NEURL1B: variants seen among roughly 807,000 people sequenced by gnomAD.
NEURL1B encodes neuralized E3 ubiquitin protein ligase 1B.
A neutral mutation model predicts 37.4 loss-of-function variants in NEURL1B; 13 were observed. The observed-to-expected ratio is 0.35, with a 90% CI of 0.23 to 0.55. The LOEUF is 0.55. NEURL1B is among the 20% of genes least tolerant of loss of function. The probability of loss-of-function intolerance (pLI) is 0.89; values close to 1 mark genes in which losing one functional copy is unlikely to be tolerated. For missense variants in NEURL1B, 790 were observed against 879.2 expected (o/e 0.90, Z 1.28); for synonymous variants, 432 against 426.6 (o/e 1.01, Z -0.16).
chr5:172,660,906 C>G (rs1462584811), intron 1 of NEURL1B, among the ~76,000 whole-genome samples: 1 of 152,222 alleles, frequency 6.6e-6, no homozygotes, highest in Non-Finnish European at 1.5e-5. Flanking sequence ...GCCGAGATTA[C>G]AGGCGTGAGC....
rs944213962 is a variant in NEURL1B at position 172,676,965 on chromosome 5, G to A, written c.578-6454G>A. ...AAATGCAGGGTTCGGAGGTCTGAGC[G>A]CACCATTCCAGGCTGCAGGAGAGGA... On this transcript the variant is annotated intron_variant, in intron 2 of 4. Transcript: ENST00000369800. This position sits in a 1 kb window ranked among gnomAD's most constrained non-coding sequence, Gnocchi z 4.5. Among the ~76,000 whole-genome samples, 2 of 152,116 alleles carry A rather than the reference G, an allele frequency of 1.3e-5. No homozygotes were observed. The highest frequency in any genetic ancestry group is 2.9e-5 in the Non-Finnish European group (2 of 68,032).
chr5:172,663,996 G>A (rs142845747), intron 1 of NEURL1B, among the ~76,000 whole-genome samples: 238 of 151,764 alleles, frequency 1.6e-3, no homozygotes, highest in African/African-American at 4.5e-3. Flanking sequence ...TTTGGCCCTC[G>A]ATGGAATATT....
intron 1 of NEURL1B, among the ~76,000 whole-genome samples, chr5:172,655,349 T>C (rs577553420): frequency 2.6e-5 from 4 of 152,230 alleles, no homozygotes; most frequent in South Asian, 2.1e-4. Context: ...CCTGTTTCCC[T>C]CCTTTCCCCC....
chr5:172,662,029 T>C (rs1462881469), intron 1 of NEURL1B: 2 of 152,212 alleles, frequency 1.3e-5, no homozygotes, highest in Non-Finnish European at 2.9e-5. Flanking sequence ...TCAGAACGTA[T>C]TTTCCCAGCT....
At position 172,641,428 on chromosome 5, in the gene NEURL1B, A is replaced by G; in HGVS notation, c.22A>G (p.Thr8Ala). The G allele has an allele frequency of 7.5e-7, 1 of 1,336,472 alleles. No individual in the cohort carries two copies. Among genetic ancestry groups the G allele is most frequent in the Non-Finnish European group, 9.6e-7 (1 of 1,046,636 alleles). 82.8% of individuals were successfully genotyped at this position (1,336,472 alleles called of 1,614,324 possible). MGNTVHR[T>A]LPDPSPPARL... is the part of the protein sequence containing the mutation. ...AGCGATGGGCAACACGGTGCACCGG[A>G]CCCTGCCAGGTACGCCGGGGAGCCC... is the stretch of plus-strand genomic sequence containing the variant. Residue 8 changes from threonine (T) to alanine (A), a missense_variant, in exon 1 of 5, where the codon ACC (threonine) becomes GCC (alanine). Physicochemically the swap from Thr to Ala is moderately conservative, Grantham distance 58. Transcript: ENST00000369800. The surrounding 1 kb of genome is among the most constrained non-coding windows in gnomAD (Gnocchi z 6.4).
At chr5:172,656,839 A>T (rs990955184) in intron 1 of NEURL1B, 1 of 611,992 alleles carries the variant, frequency 1.6e-6, no homozygotes, top group Non-Finnish European at 2.9e-6. Context: ...CCTCATCTTT[A>T]GGATGGGGAT....
rs1758629850 is a variant in NEURL1B at position 172,690,623 on chromosome 5, G to A, written c.*3698G>A. 2 of 152,234 alleles carry A rather than the reference G, an allele frequency of 1.3e-5. No individual in the cohort carries two copies. Among genetic ancestry groups the A allele is most frequent in the South Asian group, 4.1e-4 (2 of 4,832 alleles). 9.4% of individuals were successfully genotyped at this position (152,234 alleles called of 1,614,324 possible). A position where few individuals can be genotyped will look rare whatever the true frequency, so the allele number is the denominator to read the frequency against. On this transcript the variant is annotated 3_prime_UTR_variant, in exon 5 of 5. Coordinates refer to ENST00000369800, the MANE Select transcript of NEURL1B (RefSeq NM_001142651.3). ...ACTAAGAGGGAAATGAGATATTTGG[G>A]GCAGAATCCACTGGGCTCTCTTGGC...
At chr5:172,654,264 G>A (rs1757721943) in intron 1 of NEURL1B, among the ~76,000 whole-genome samples, 1 of 152,208 alleles carries the variant, frequency 6.6e-6, no homozygotes, top group Non-Finnish European at 1.5e-5. Context: ...AGGCTTGGCT[G>A]AGTGGAAACA....
chr5:172,675,629 C>A lies in NEURL1B; in HGVS notation c.577+5299C>A, dbSNP rs571301791. On this transcript the variant is annotated intron_variant, in intron 2 of 4. Transcript: ENST00000369800. The surrounding 1 kb of genome is among the most constrained non-coding windows in gnomAD (Gnocchi z 4.7). The stretch of plus-strand genomic sequence containing the variant: ...TGCCAGGCCATGCGCTCCCTTCCCT[C>A]CCTTCTCCCTGTGGCTCCAGGAAGC... 1.3e-4 allele frequency among the ~76,000 whole-genome samples: 19 copies of A among 151,966 alleles called. No homozygotes were observed. The East Asian group carries it at 3.5e-3, about 28-fold the overall frequency.
In NEURL1B at chr5:172,651,979, C is replaced by T. The variant is rs969752591; in HGVS notation, c.31+10542C>T. 1.2e-4 allele frequency among the ~76,000 whole-genome samples: 19 copies of T among 152,316 alleles called. No homozygotes were observed. In the East Asian group the frequency reaches 1.7e-3, roughly 14 times the overall value. On this transcript the variant is annotated intron_variant, in intron 1 of 4. Transcript: ENST00000369800. ...AAACACAAGTGCCACTCCAGTTATT[C>T]GGCGGAGTGTCCAGTAAAGGTCCAC...
In NEURL1B at chr5:172,670,451, G is replaced by A. The variant is rs1347506297; in HGVS notation, c.577+121G>A. 6.5e-6 allele frequency: 5 copies of A among 772,520 alleles called. No homozygotes were observed. In the East Asian group the frequency reaches 1.7e-4, roughly 26 times the overall value. The allele number at this position is 772,520 out of a possible 1,614,324, so 47.9% of individuals were successfully genotyped here. A position where few individuals can be genotyped will look rare whatever the true frequency, so the allele number is the denominator to read the frequency against. On this transcript the variant is annotated intron_variant, in intron 2 of 4. Coordinates refer to ENST00000369800, the MANE Select transcript of NEURL1B (RefSeq NM_001142651.3). ...CTCCTTTTGCCAGGCGTGGCACTAA[G>A]CGCTTTACGCCTTTTAACTAATTTA... is the stretch of plus-strand genomic sequence containing the variant.
At position 172,661,353 on chromosome 5, in the gene NEURL1B, A is replaced by T. The variant is rs1325041005; in HGVS notation, c.32-8432A>T. On this transcript the variant is annotated intron_variant, in intron 1 of 4. Coordinates refer to ENST00000369800, the MANE Select transcript of NEURL1B (RefSeq NM_001142651.3). The surrounding 1 kb of genome is among the most constrained non-coding windows in gnomAD (Gnocchi z 4.0). ...AGTCTGGGTATGTTTCTGGCGGGGA[A>T]GCCTCTATAGATTTTATTGCTTCTA... Among the ~76,000 whole-genome samples, 3 of 152,132 alleles carry T rather than the reference A, an allele frequency of 2.0e-5. No individual in the cohort carries two copies.
chr5:172,683,302 C>G lies in NEURL1B; in HGVS notation c.578-117C>G. 1.7e-6 allele frequency: 2 copies of G among 1,173,558 alleles called. No individual in the cohort carries two copies. The highest frequency in any genetic ancestry group is 2.1e-6 in the Non-Finnish European group (2 of 930,654). 72.7% of individuals were successfully genotyped at this position (1,173,558 alleles called of 1,614,324 possible). A position where few individuals can be genotyped will look rare whatever the true frequency, so the allele number is the denominator to read the frequency against. On this transcript the variant is annotated intron_variant, in intron 2 of 4. Coordinates refer to ENST00000369800, the MANE Select transcript of NEURL1B (RefSeq NM_001142651.3). This position sits in a 1 kb window ranked among gnomAD's most constrained non-coding sequence, Gnocchi z 5.6. ...GTTCGAAGCCGGGGTGGGGTGGGGG[C>G]TGCTCGAGGCCCGGGTCGGTCGTGG...
chr5:172,680,219 ACTCT>A (rs1758321795), intron 2 of NEURL1B, among the ~76,000 whole-genome samples: 2 of 151,760 alleles, frequency 1.3e-5, no homozygotes, highest in Admixed American at 1.3e-4. Flanking sequence ...TACCACTATC[ACTCT>A]ATCACTCTAT....
Position 172,641,338 on chromosome 5 carries a change from T to A in NEURL1B, c.-69T>A. On this transcript the variant is annotated 5_prime_UTR_variant, in exon 1 of 5. Transcript: ENST00000369800. The surrounding 1 kb of genome is among the most constrained non-coding windows in gnomAD (Gnocchi z 6.4). Reference sequence around the variant, plus strand: ...GAGCGTCGACCCCGGTCCTGGTCCCTGGCCCGCCGCGTAATTAGCCTCCGC... The same window carrying A: ...GAGCGTCGACCCCGGTCCTGGTCCCAGGCCCGCCGCGTAATTAGCCTCCGC... 7.4e-7 allele frequency: 1 copy of A among 1,352,544 alleles called. No individual in the cohort carries two copies. The highest frequency in any genetic ancestry group is 9.5e-7 in the Non-Finnish European group (1 of 1,049,556). 83.8% of individuals were successfully genotyped at this position (1,352,544 alleles called of 1,614,324 possible).
At chr5:172,660,950 C>A (rs1561644773) in intron 1 of NEURL1B, among the ~76,000 whole-genome samples, 1 of 152,194 alleles carries the variant, frequency 6.6e-6, no homozygotes, top group African/African-American at 2.4e-5. Flanking sequence ...TTTTTTCCAG[C>A]CCACTTTTAA....
chr5:172,674,933 A>G (rs1758203187), intron 2 of NEURL1B, among the ~76,000 whole-genome samples: 1 of 152,080 alleles, frequency 6.6e-6, no homozygotes, highest in Non-Finnish European at 1.5e-5. Context: ...GCTGTGGCGC[A>G]ATCTTGGCTC....
intron 1 of NEURL1B, among the ~76,000 whole-genome samples, chr5:172,646,735 G>C (rs1024785000): frequency 3.9e-5 from 6 of 152,160 alleles, no homozygotes; most frequent in Non-Finnish European, 8.8e-5. Flanking sequence ...AAGATGCAGG[G>C]GAGGCTTCCT....
Position 172,675,327 on chromosome 5 carries a change from G to C in NEURL1B, c.577+4997G>C, listed in dbSNP as rs903410059. ...TGCCTATCTGGTTCCTTTCTCCCTC[G>C]TGGCTCCTGCCCATTGATGGACACC... On this transcript the variant is annotated intron_variant, in intron 2 of 4. Transcript: ENST00000369800. This position sits in a 1 kb window ranked among gnomAD's most constrained non-coding sequence, Gnocchi z 4.7. Among the ~76,000 whole-genome samples, 26 of 151,668 alleles carry C rather than the reference G, an allele frequency of 1.7e-4. No individual in the cohort carries two copies. The highest frequency in any genetic ancestry group is 3.1e-4 in the Non-Finnish European group (21 of 67,982).
Sources: gnomAD v4.1 joint callset for allele counts (sites outside exome capture counted in the v4.1 genomes callset) on GRCh38, gnomAD v4.1.1 for gene constraint, Gnocchi (gnomAD v3.1) non-coding constraint, MANE v1.5 for transcripts, NCBI Gene and HGNC (gene_info 2026-07-23, HGNC 2026-07-21) for gene names.